Variants in OSBPL9 observed in about 807,000 individuals in gnomAD.
The protein encoded by OSBPL9 is oxysterol-binding protein-related protein 9.
Under a neutral mutation model 106.6 loss-of-function variants are expected in OSBPL9, and 40 were observed. The observed-to-expected ratio is 0.38, with a 90% confidence interval of 0.29 to 0.49. The LOEUF (loss-of-function observed/expected upper bound fraction) is 0.49, where lower values mean the gene tolerates loss of function less well. Among genes scored for constraint, OSBPL9 ranks in the 20% least tolerant of loss-of-function variants. OSBPL9 has a pLI of 0.97. For synonymous variants in OSBPL9, 269 were observed against 295.4 expected (o/e 0.91, Z 0.92); for missense variants, 609 against 887.2 (o/e 0.69, Z 3.98).
chr1:51,542,070 T>C, the OSBPL9 span, among the ~76,000 whole-genome samples: 2 of 152,112 alleles, frequency 1.3e-5, no homozygotes. Context: ...GAATTTTTAG[T>C]AGAGATGGGG....
the OSBPL9 span, among the ~76,000 whole-genome samples, chr1:51,524,898 G>A: frequency 6.6e-6 from 1 of 152,166 alleles, no homozygotes; most frequent in Non-Finnish European, 1.5e-5. Context: ...TTCATCTGCA[G>A]GTTTCAAAGC....
At chr1:51,739,799 T>C (rs1666490265) in intron 4 of OSBPL9, among the ~76,000 whole-genome samples, 1 of 151,988 alleles carries the variant, frequency 6.6e-6, no homozygotes, top group African/African-American at 2.4e-5. Flanking sequence ...TTCCAAATTT[T>C]CAGTAATCCA....
At chr1:51,627,785 G>A (rs1054213571) in intron 1 of OSBPL9, among the ~76,000 whole-genome samples, 2 of 151,238 alleles carry the variant, frequency 1.3e-5, no homozygotes, top group African/African-American at 2.4e-5. Context: ...GTATTGAAAT[G>A]CCTGTCTCTG....
At chr1:51,767,936 CTTTT>C (rs869092922) in intron 12 of OSBPL9, among the ~76,000 whole-genome samples, 720 of 65,052 alleles carry the variant, frequency 0.011, 5 homozygotes, top group Non-Finnish European at 0.016. Context: ...TAAAGACCGT[CTTTT>C]TTTTTTTTTT....
chr1:51,709,772 G>A (rs888277632), intron 3 of OSBPL9: 4 of 152,516 alleles, frequency 2.6e-5, no homozygotes, highest in Non-Finnish European at 5.9e-5. Flanking sequence ...GGCGGATGGT[G>A]ATGCAGTCCA....
At chr1:51,547,912 A>C in the OSBPL9 span, among the ~76,000 whole-genome samples, 1 of 151,940 alleles carries the variant, frequency 6.6e-6, no homozygotes, top group East Asian at 1.9e-4. Flanking sequence ...CCAACCAAAG[A>C]TGATAAACTA....
chr1:51,718,151 T>G (rs1661413819), intron 4 of OSBPL9, among the ~76,000 whole-genome samples: 1 of 152,146 alleles, frequency 6.6e-6, no homozygotes, highest in Non-Finnish European at 1.5e-5. Context: ...AGCTAAAAAT[T>G]AAAACAATCG....
chr1:51,775,350 T>A (rs551949426), intron 14 of OSBPL9, among the ~76,000 whole-genome samples: 80 of 152,142 alleles, frequency 5.3e-4, no homozygotes, highest in African/African-American at 1.8e-3. Flanking sequence ...TTTTTTTTTT[T>A]CTCCCGTCTC....
rs374626875 is a variant in OSBPL9 at position 51,597,409 on chromosome 1, G to GTATATA, written c.-422-705_-422-700dup. ...TCAGAGTCCTATGGAATATATGTGT[G>GTATATA]TATATATATATATATGTGTGTGTGT... On this transcript the variant is annotated intron_variant, in intron 1 of 25. Transcript: ENST00000371714. Among the ~76,000 whole-genome samples the GTATATA allele has an allele frequency of 3.5e-3, 479 of 135,666 alleles. 6 individuals are homozygous for GTATATA. Among genetic ancestry groups the GTATATA allele is most frequent in the South Asian group, 0.015 (62 of 4,042 alleles). 89.0% of individuals were successfully genotyped at this position (135,666 alleles called of 152,430 possible).
chr1:51,618,440 A>G (rs1644220955), intron 1 of OSBPL9, among the ~76,000 whole-genome samples: 1 of 152,204 alleles, frequency 6.6e-6, no homozygotes, highest in African/African-American at 2.4e-5. Context: ...AGTTGACGAT[A>G]GCCGATATGA....
chr1:51,717,208 C>G (rs191843012), intron 4 of OSBPL9, among the ~76,000 whole-genome samples: 1 of 152,310 alleles, frequency 6.6e-6, no homozygotes. Context: ...CTCAAGCCAT[C>G]TGCCCACTTT....
Position 51,691,272 on chromosome 1 carries a change from A to ATTTTTT in OSBPL9, c.241+21760_241+21761insTTTTTT, listed in dbSNP as rs1358388118. Among the ~76,000 whole-genome samples the ATTTTTT allele has an allele frequency of 8.2e-5, 12 of 145,544 alleles. 1 individual carries two copies. The highest frequency in any genetic ancestry group is 6.0e-5 in the Non-Finnish European group (4 of 66,602). ...AATAAACTAACCTTAGCTTGCTGTAACTTTTTTTTTTTTTTTTTTTTTTTT... is the reference window on the plus strand; with the variant it reads ...AATAAACTAACCTTAGCTTGCTGTAATTTTTTCTTTTTTTTTTTTTTTTTTTTTTTT... On this transcript the variant is annotated intron_variant, in intron 3 of 23. Coordinates refer to ENST00000428468, the MANE Select transcript of OSBPL9 (RefSeq NM_024586.6).
the OSBPL9 span, among the ~76,000 whole-genome samples, chr1:51,549,933 C>G: frequency 6.6e-6 from 1 of 152,136 alleles, no homozygotes; most frequent in Non-Finnish European, 1.5e-5. Flanking sequence ...TATTCACTCA[C>G]TCATTCCACA....
At chr1:51,737,925 T>C (rs1316670599) in intron 4 of OSBPL9, among the ~76,000 whole-genome samples, 4 of 152,044 alleles carry the variant, frequency 2.6e-5, no homozygotes, top group Admixed American at 2.0e-4. Flanking sequence ...ACTGGGATAC[T>C]TGAGAGTGAA....
chr1:51,783,881 A>C (rs1676980997), intron 17 of OSBPL9, 34 bp from the exon 18 acceptor site: 2 of 1,451,384 alleles, frequency 1.4e-6, no homozygotes, highest in Non-Finnish European at 1.9e-6. Flanking sequence ...GGCTGTAGGT[A>C]TATATAATCT....
At chr1:51,703,780 C>T (rs1657828107) in intron 3 of OSBPL9, among the ~76,000 whole-genome samples, 1 of 151,944 alleles carries the variant, frequency 6.6e-6, no homozygotes, top group Non-Finnish European at 1.5e-5. Flanking sequence ...GTGGGTTTGT[C>T]ATAGATCTTA....
Position 51,761,984 on chromosome 1 carries a change from A to G in OSBPL9, c.778+13A>G. 1 of 1,557,132 alleles carries G rather than the reference A, an allele frequency of 6.4e-7. No homozygotes were observed. The highest frequency in any genetic ancestry group is 8.9e-7 in the Non-Finnish European group (1 of 1,128,366). ...CCAAATAGTACAGGTACAGATTTGC[A>G]TAATTTCTTTATGTCTCATAACTCT... On this transcript the variant is annotated intron_variant, in intron 11 of 23. Coordinates refer to ENST00000428468, the MANE Select transcript of OSBPL9 (RefSeq NM_024586.6).
the OSBPL9 span, chr1:51,562,091 C>A: frequency 6.6e-6 from 1 of 152,140 alleles, no homozygotes; most frequent in Non-Finnish European, 1.5e-5. Flanking sequence ...TGATCTCATG[C>A]AATCAGAAAG....
At chr1:51,646,352 T>A (rs971891771) in intron 1 of OSBPL9, among the ~76,000 whole-genome samples, 1 of 152,220 alleles carries the variant, frequency 6.6e-6, no homozygotes, top group Non-Finnish European at 1.5e-5. Context: ...AATTTATTAA[T>A]AAGTATTTTA....
Sources: allele counts gnomAD v4.1 joint callset (sites outside exome capture counted in the v4.1 genomes callset), GRCh38; gene constraint gnomAD v4.1.1; transcripts MANE v1.5; gene names NCBI Gene and HGNC (gene_info 2026-07-23, HGNC 2026-07-21).